The following FER variants were observed in gnomAD, a reference collection of about 807,000 sequenced individuals.
The protein encoded by FER is tyrosine-protein kinase Fer.
In FER, 63 loss-of-function variants were observed where a neutral mutation model predicts 111.0. The observed-to-expected ratio is 0.57, with a 90% CI of 0.46 to 0.70. FER has a LOEUF of 0.70. FER is among the 30% of genes least tolerant of loss of function. The pLI, the probability that FER is intolerant of heterozygous loss-of-function variation, is 0.00. For synonymous variants in FER, 327 were observed against 313.9 expected (o/e 1.04, Z -0.44); for missense variants, 914 against 954.0 (o/e 0.96, Z 0.55).
At chr5:108,988,569 C>T (rs959980271) in intron 13 of FER, among the ~76,000 whole-genome samples, 4 of 151,982 alleles carry the variant, frequency 2.6e-5, no homozygotes, top group Admixed American at 6.6e-5. Context: ...AATTTAGGTA[C>T]GTAAAGGTGT....
chr5:108,847,561 C>T (rs1179181094), intron 5 of FER, among the ~76,000 whole-genome samples: 1 of 152,016 alleles, frequency 6.6e-6, no homozygotes, highest in Non-Finnish European at 1.5e-5. Context: ...ATGTTCTTAA[C>T]AATTTTTTTG....
intron 3 of FER, among the ~76,000 whole-genome samples, chr5:108,801,397 C>A (rs1756627814): frequency 6.6e-6 from 1 of 152,114 alleles, no homozygotes; most frequent in Non-Finnish European, 1.5e-5. Flanking sequence ...ATTATTTGTT[C>A]CTTGATAATA....
chr5:108,831,569 C>CA (rs1450950202), intron 3 of FER, among the ~76,000 whole-genome samples: 1 of 152,102 alleles, frequency 6.6e-6, no homozygotes, highest in Non-Finnish European at 1.5e-5. Flanking sequence ...CCATGTTCAT[C>CA]ATATCATTTC....
At position 108,771,507 on chromosome 5, in the gene FER, G is replaced by C. The variant is rs538251107; in HGVS notation, c.-60+3269G>C. Among the ~76,000 whole-genome samples, 6 of 152,202 alleles carry C rather than the reference G, an allele frequency of 3.9e-5. No individual in the cohort carries two copies. In the South Asian group the frequency reaches 1.2e-3, roughly 32 times the overall value. ...TAGAGAGGTTCTGTGACCTGCCCAA[G>C]ATCATGTAGCTGGCTTTCATAATTG... On this transcript the variant is annotated intron_variant, in intron 2 of 19. Transcript: ENST00000281092.
At chr5:109,058,128 A>G (rs1342687982) in intron 16 of FER, among the ~76,000 whole-genome samples, 1 of 152,178 alleles carries the variant, frequency 6.6e-6, no homozygotes, top group African/African-American at 2.4e-5. Flanking sequence ...AAATGCAGAA[A>G]AAAACATTTG....
intron 10 of FER, among the ~76,000 whole-genome samples, chr5:108,915,076 A>G (rs1170737909): frequency 3.3e-5 from 5 of 152,214 alleles, no homozygotes; most frequent in African/African-American, 1.2e-4. Context: ...CAAAGGACTA[A>G]GAAGGTTAGG....
intron 9 of FER, among the ~76,000 whole-genome samples, chr5:108,890,936 G>A (rs1488429866): frequency 6.6e-6 from 1 of 152,060 alleles, no homozygotes; most frequent in Non-Finnish European, 1.5e-5. Flanking sequence ...CTAATTGTAT[G>A]GTAATTGTAT....
chr5:109,109,498 T>C (rs927820722), intron 17 of FER, among the ~76,000 whole-genome samples: 1 of 152,190 alleles, frequency 6.6e-6, no homozygotes. Flanking sequence ...GTTGAATGAG[T>C]GAATGAAGTT....
intron 18 of FER, 42 bp downstream of exon 18, chr5:109,180,943 C>A: frequency 1.3e-6 from 2 of 1,516,744 alleles, no homozygotes; most frequent in East Asian, 2.4e-5. Context: ...TAAAAATGAA[C>A]GGCATCAGCA....
rs1758462513 is a variant in FER, at chr5:109,183,204, C to CTAG, written c.2203+2303_2203+2304insTAG. 2.6e-5 allele frequency among the ~76,000 whole-genome samples: 4 copies of CTAG among 151,728 alleles called. No homozygotes were observed. The South Asian group carries it at 8.3e-4, about 32-fold the overall frequency. On this transcript the variant is annotated intron_variant, in intron 18 of 19. Coordinates refer to ENST00000281092, the MANE Select transcript of FER (RefSeq NM_005246.4). ...CCTAGCAACCCAGAGAAGTTTAGTT[C>CTAG]CCACAGACTACAGTTACTGAAGATT...
intron 14 of FER, among the ~76,000 whole-genome samples, chr5:109,038,269 CA>C (rs1326511393): frequency 4.0e-5 from 6 of 151,674 alleles, no homozygotes; most frequent in Admixed American, 3.9e-4. Flanking sequence ...AATGTGAATT[CA>C]TTTTAGCTTA....
intron 10 of FER, among the ~76,000 whole-genome samples, chr5:108,938,420 G>C (rs1406632332): frequency 1.3e-5 from 2 of 151,928 alleles, no homozygotes; most frequent in African/African-American, 4.8e-5. Flanking sequence ...TGGAAAATAA[G>C]AAATGAGTTG....
intron 3 of FER, among the ~76,000 whole-genome samples, chr5:108,804,165 T>C (rs1207298472): frequency 6.6e-6 from 1 of 152,230 alleles, no homozygotes; most frequent in African/African-American, 2.4e-5. Context: ...GAATTGGTGC[T>C]GATTTTTCTA....
intron 2 of FER, among the ~76,000 whole-genome samples, chr5:108,772,845 A>G (rs944201535): frequency 6.6e-5 from 10 of 152,216 alleles, no homozygotes; most frequent in African/African-American, 2.4e-4. Context: ...GTATCTATTA[A>G]TAGTAGCTTT....
chr5:109,193,838 C>T lies in FER; in HGVS notation c.*6263C>T, dbSNP rs1048614290. The T allele has an allele frequency of 7.2e-5, 11 of 152,174 alleles. No individual in the cohort carries two copies. The highest frequency in any genetic ancestry group is 2.7e-4 in the African/African-American group (11 of 41,446). 9.4% of individuals were successfully genotyped at this position (152,174 alleles called of 1,614,324 possible). A position where few individuals can be genotyped will look rare whatever the true frequency, so the allele number is the denominator to read the frequency against. On this transcript the variant is annotated 3_prime_UTR_variant, in exon 20 of 20. Coordinates refer to ENST00000281092, the MANE Select transcript of FER (RefSeq NM_005246.4). ...CAGGTACTTGGGGGCCCCTAGCCTT[C>T]TAAGGAACTCCCAGGCACCTACTTA...
intron 3 of FER, 89 bp downstream of exon 3, chr5:108,798,478 A>T: frequency 1.0e-6 from 1 of 980,776 alleles, no homozygotes; most frequent in Non-Finnish European, 1.5e-6. Flanking sequence ...GAGCATACTT[A>T]AGTCAGCATT....
chr5:108,897,341 C>G (rs769010020), intron 9 of FER, among the ~76,000 whole-genome samples: 1 of 152,100 alleles, frequency 6.6e-6, no homozygotes, highest in Non-Finnish European at 1.5e-5. Flanking sequence ...TTAATTCATT[C>G]TAGGCCCTAT....
intron 17 of FER, among the ~76,000 whole-genome samples, chr5:109,104,486 A>G (rs1748639262): frequency 6.6e-6 from 1 of 152,186 alleles, no homozygotes. Context: ...GGGAATAATC[A>G]GGGAAACTTT....
chr5:109,174,171 G>C (rs574904837), intron 17 of FER, among the ~76,000 whole-genome samples: 90 of 152,258 alleles, frequency 5.9e-4, no homozygotes, highest in African/African-American at 2.1e-3. Context: ...CGGTAAAGGA[G>C]GTCGCAAAGG....
Sources: allele counts gnomAD v4.1 joint callset (sites outside exome capture counted in the v4.1 genomes callset), GRCh38; gene constraint gnomAD v4.1.1; transcripts MANE v1.5; gene names NCBI Gene and HGNC (gene_info 2026-07-23, HGNC 2026-07-21).